Variants in GDI2 observed in about 807,000 individuals in gnomAD.
GDI2 encodes GDP dissociation inhibitor 2, also known as rab GDP dissociation inhibitor beta.
A neutral mutation model predicts 54.2 loss-of-function variants in GDI2; 22 were observed. The ratio of observed to expected loss-of-function variants is 0.41; its 90% CI spans 0.29 to 0.58. The LOEUF (loss-of-function observed/expected upper bound fraction) is 0.58. GDI2 is among the 20% of genes least tolerant of loss of function. GDI2 has a pLI of 0.35. For synonymous variants in GDI2, 177 were observed against 182.1 expected (o/e 0.97, Z 0.23); for missense variants, 422 against 546.0 (o/e 0.77, Z 2.26).
intron 1 of GDI2, 24 bp downstream of exon 1, chr10:5,813,190 C>T (rs1841513563): frequency 6.6e-7 from 1 of 1,508,850 alleles, no homozygotes. Context: ...TGCTCAGCCC[C>T]GGCCCCTCAG....
chr10:5,778,435 T>C (rs1327772693), intron 6 of GDI2, among the ~76,000 whole-genome samples: 2 of 152,264 alleles, frequency 1.3e-5, no homozygotes, highest in African/African-American at 4.8e-5. Flanking sequence ...TTAATGTGCA[T>C]TTTGTTTAAA....
At chr10:5,791,377 A>C (rs1471440875) in intron 4 of GDI2, among the ~76,000 whole-genome samples, 2 of 152,210 alleles carry the variant, frequency 1.3e-5, no homozygotes, top group Admixed American at 1.3e-4. Flanking sequence ...TGGGAGGCCA[A>C]GGTGGGCAGA....
chr10:5,813,128 A>G lies in GDI2; in HGVS notation c.45+86T>C, dbSNP rs1472894337. ...GGCTGACGGCAGAACGAGACCCCCGAGGAGCTGCGACCCGCGGGCCGTGCA... is the reference window on the plus strand; with the variant it reads ...GGCTGACGGCAGAACGAGACCCCCGGGGAGCTGCGACCCGCGGGCCGTGCA... On this transcript the variant is annotated intron_variant, in intron 1 of 10. Coordinates refer to ENST00000380191, the MANE Select transcript of GDI2 (RefSeq NM_001494.4). 1.3e-4 allele frequency: 103 copies of G among 771,648 alleles called. 1 individual carries two copies. Among genetic ancestry groups the G allele is most frequent in the Non-Finnish European group, 1.1e-4 (57 of 497,560 alleles). The allele number at this position is 771,648 out of a possible 1,614,324, so 47.8% of individuals were successfully genotyped here. A position where few individuals can be genotyped will look rare whatever the true frequency, so the allele number is the denominator to read the frequency against.
intron 6 of GDI2, among the ~76,000 whole-genome samples, chr10:5,775,878 G>T (rs973650752): frequency 6.6e-6 from 1 of 152,180 alleles, no homozygotes; most frequent in Admixed American, 6.5e-5. Context: ...TGGCAGGCCC[G>T]TGGAGCAGTG....
chr10:5,766,302 G>T lies in GDI2; in HGVS notation c.1137-7C>A. The T allele has an allele frequency of 6.2e-7, 1 of 1,610,714 alleles. No individual in the cohort carries two copies. Among genetic ancestry groups the T allele is most frequent in the Non-Finnish European group, 8.5e-7 (1 of 1,176,926 alleles). ...GTCACTGATGCTAACAAATCTGGAG[G>T]GAGAGAGAATTCAGTCAGGTGAGCT... is the stretch of plus-strand genomic sequence containing the variant. On this transcript the variant is annotated splice_region_variant and splice_polypyrimidine_tract_variant and intron_variant, in intron 9 of 10. Coordinates refer to ENST00000380191, the MANE Select transcript of GDI2 (RefSeq NM_001494.4). This position sits in a 1 kb window ranked among gnomAD's most constrained non-coding sequence, Gnocchi z 5.8.
chr10:5,800,959 T>G (rs1841258055), intron 1 of GDI2, among the ~76,000 whole-genome samples: 1 of 152,114 alleles, frequency 6.6e-6, no homozygotes, highest in South Asian at 2.1e-4. Context: ...TTTTTTTTAT[T>G]TATTTTTTGA....
At chr10:5,784,935 G>A (rs752235429) in intron 6 of GDI2, among the ~76,000 whole-genome samples, 2 of 152,228 alleles carry the variant, frequency 1.3e-5, no homozygotes, top group Non-Finnish European at 2.9e-5. Flanking sequence ...ACTTACAAGA[G>A]CACATCAGCT....
chr10:5,796,782 G>T lies in GDI2; in HGVS notation c.234C>A (p.Pro78=), dbSNP rs1259993878. Reference sequence around the variant, plus strand: ...CTTTACCATTAGCCATAAGGAACTTGGGAATCAAGTCAACATTCCAGTCTC... The same window carrying T: ...CTTTACCATTAGCCATAAGGAACTTTGGAATCAAGTCAACATTCCAGTCTC... The part of the protein sequence containing the change: ...RGRDWNVDLI[P]KFLMANGQLV... Residue 78 remains proline, a synonymous_variant, in exon 3 of 11, where the codon CCC becomes CCA. Transcript: ENST00000380191. 1 of 1,528,422 alleles carries T rather than the reference G, an allele frequency of 6.5e-7. No individual in the cohort carries two copies. The highest frequency in any genetic ancestry group is 9.1e-7 in the Non-Finnish European group (1 of 1,102,890). 94.7% of individuals were successfully genotyped at this position (1,528,422 alleles called of 1,614,324 possible). A position where few individuals can be genotyped will look rare whatever the true frequency, so the allele number is the denominator to read the frequency against.
intron 6 of GDI2, among the ~76,000 whole-genome samples, chr10:5,781,256 A>T (rs1248022489): frequency 6.8e-6 from 1 of 148,002 alleles, no homozygotes; most frequent in Non-Finnish European, 1.5e-5. Flanking sequence ...ATGCACAGAT[A>T]AAATTATAAA....
intron 6 of GDI2, among the ~76,000 whole-genome samples, chr10:5,778,926 C>CAT (rs1310098847): frequency 6.6e-6 from 1 of 152,168 alleles, no homozygotes; most frequent in Non-Finnish European, 1.5e-5. Context: ...AAGAATCCGG[C>CAT]ATCTCAACAA....
At chr10:5,778,720 G>C (rs1840682825) in intron 6 of GDI2, among the ~76,000 whole-genome samples, 1 of 152,118 alleles carries the variant, frequency 6.6e-6, no homozygotes. Context: ...TGCATGAGTG[G>C]AAGTAATGCT....
At chr10:5,775,086 A>G (rs1278167942) in intron 6 of GDI2, among the ~76,000 whole-genome samples, 2 of 152,244 alleles carry the variant, frequency 1.3e-5, no homozygotes, top group Non-Finnish European at 2.9e-5. Flanking sequence ...GCAGGAGTTT[A>G]AGACCAGCCT....
chr10:5,805,227 T>C (rs1841350429), intron 1 of GDI2, among the ~76,000 whole-genome samples: 2 of 152,032 alleles, frequency 1.3e-5, no homozygotes, highest in Non-Finnish European at 2.9e-5. Context: ...TTGTTAGAAA[T>C]GTAAATTCTA....
At chr10:5,781,426 C>T (rs1840751586) in intron 6 of GDI2, among the ~76,000 whole-genome samples, 1 of 150,126 alleles carries the variant, frequency 6.7e-6, no homozygotes, top group South Asian at 2.1e-4. Context: ...AGCAGATCGA[C>T]ACCATCCCGG....
At chr10:5,784,422 G>A (rs1211509602) in intron 6 of GDI2, among the ~76,000 whole-genome samples, 1 of 152,044 alleles carries the variant, frequency 6.6e-6, no homozygotes, top group Admixed American at 6.6e-5. Flanking sequence ...TCTTTTTCTG[G>A]CAATTCAGAG....
intron 7 of GDI2, among the ~76,000 whole-genome samples, chr10:5,771,826 T>A (rs1315329353): frequency 6.6e-6 from 1 of 152,154 alleles, no homozygotes; most frequent in Non-Finnish European, 1.5e-5. Flanking sequence ...GCGCGGTGGC[T>A]CACACCTGTA....
intron 1 of GDI2, chr10:5,811,957 C>T (rs1466157538): frequency 3.1e-6 from 3 of 975,332 alleles, no homozygotes; most frequent in East Asian, 9.7e-5. Context: ...GGGATGTTAC[C>T]TGTAAAAAAA....
intron 1 of GDI2, 110 bp from the exon 2 acceptor site, chr10:5,800,815 C>T: frequency 1.5e-6 from 1 of 688,926 alleles, no homozygotes; most frequent in Non-Finnish European, 2.6e-6. Flanking sequence ...CACTTATATT[C>T]ATGCAACATG....
chr10:5,779,676 A>G (rs575421110), intron 6 of GDI2, among the ~76,000 whole-genome samples: 3 of 142,172 alleles, frequency 2.1e-5, no homozygotes, highest in African/African-American at 5.0e-5. Flanking sequence ...AGAGAGGGGG[A>G]AAAAAAAAAG....
Sources: allele counts gnomAD v4.1 joint callset (sites outside exome capture counted in the v4.1 genomes callset), GRCh38; gene constraint gnomAD v4.1.1; non-coding constraint Gnocchi (gnomAD v3.1); transcripts MANE v1.5; gene names NCBI Gene and HGNC (gene_info 2026-07-23, HGNC 2026-07-21).